Variants in PRLR observed in about 807,000 individuals in gnomAD.
PRLR encodes prolactin receptor, also known as hPRL receptor.
In PRLR, 13 loss-of-function variants were observed where a neutral mutation model predicts 40.2. That is an observed-to-expected ratio of 0.32 (90% CI 0.21 to 0.51). The LOEUF is 0.51. PRLR is among the 20% of genes least tolerant of loss of function. The probability of loss-of-function intolerance (pLI) is 0.97; values close to 1 mark genes in which losing one functional copy is unlikely to be tolerated. For missense variants in PRLR, 656 were observed against 747.3 expected (o/e 0.88, Z 1.42); for synonymous variants, 269 against 278.7 (o/e 0.97, Z 0.35).
chr5:35,078,989 C>A (rs1348740019), intron 5 of PRLR, among the ~76,000 whole-genome samples: 1 of 152,100 alleles, frequency 6.6e-6, no homozygotes. Flanking sequence ...GCAGAAAAGG[C>A]CTTTGACAAA....
At chr5:35,050,700 T>A (rs543303588) in intron 8 of PRLR, among the ~76,000 whole-genome samples, 5 of 152,358 alleles carry the variant, frequency 3.3e-5, no homozygotes, top group African/African-American at 1.2e-4. Flanking sequence ...GTAACTGAAC[T>A]TTGCTCTGCC....
At chr5:35,147,892 C>T (rs538288026) in intron 1 of PRLR, among the ~76,000 whole-genome samples, 11 of 152,080 alleles carry the variant, frequency 7.2e-5, no homozygotes, top group African/African-American at 2.2e-4. Flanking sequence ...ACAGGGTAGA[C>T]GTGTCGGTGG....
At chr5:35,079,368 A>C (rs796280567) in intron 5 of PRLR, among the ~76,000 whole-genome samples, 4 of 152,346 alleles carry the variant, frequency 2.6e-5, no homozygotes, top group African/African-American at 9.6e-5. Context: ...GTCTCTGGAT[A>C]CAAAATCAAT....
chr5:35,132,331 C>T (rs1773716487), intron 1 of PRLR, among the ~76,000 whole-genome samples: 1 of 152,160 alleles, frequency 6.6e-6, no homozygotes, highest in African/African-American at 2.4e-5. Context: ...CCTGACCCCT[C>T]TTTCTAGAAC....
chr5:35,202,461 T>TA (rs1290708766), intron 1 of PRLR, among the ~76,000 whole-genome samples: 1 of 152,170 alleles, frequency 6.6e-6, no homozygotes, highest in Non-Finnish European at 1.5e-5. Flanking sequence ...ATGTACAACT[T>TA]ACCCTCAGTC....
At chr5:35,230,098 C>T (rs1051437269) in intron 1 of PRLR, among the ~76,000 whole-genome samples, 170 bp downstream of exon 1, 15 of 152,272 alleles carry the variant, frequency 9.9e-5, no homozygotes, top group Admixed American at 2.6e-4. Context: ...GGCTTCCCCG[C>T]CGGCTGCCGA....
At chr5:35,209,286 G>C (rs893472343) in intron 1 of PRLR, among the ~76,000 whole-genome samples, 6 of 152,102 alleles carry the variant, frequency 3.9e-5, no homozygotes, top group African/African-American at 1.4e-4. Context: ...AATCTATTCT[G>C]TAATATGCTG....
rs755227416 is a variant in PRLR at position 35,065,222 on chromosome 5, G to T, written c.1736C>A (p.Ala579Asp). The T allele has an allele frequency of 6.2e-7, 1 of 1,614,010 alleles. No individual in the cohort carries two copies. Among genetic ancestry groups the T allele is most frequent in the South Asian group, 1.1e-5 (1 of 91,078 alleles). Residue 579 changes from alanine (A) to aspartate (D), a missense_variant, in exon 10 of 10, where the codon GCC becomes GAC. Physicochemically the swap from Ala to Asp is moderately radical, Grantham distance 126 (BLOSUM62 -2). Transcript: ENST00000618457. ...TTGATTCTGTTCAAGTGATGGTGGG[G>T]CCTCTTTGGCTGATTCTTCAAAGCA... Reference protein sequence around the residue: ...VACFEESAKEAPPSLEQNQAE... With the variant: ...VACFEESAKEDPPSLEQNQAE...
At chr5:35,077,237 A>G (rs1770169640) in intron 5 of PRLR, among the ~76,000 whole-genome samples, 1 of 152,234 alleles carries the variant, frequency 6.6e-6, no homozygotes, top group Admixed American at 6.5e-5. Flanking sequence ...TCCAATTAAA[A>G]GACACAGACT....
At chr5:35,131,905 T>C (rs1002738397) in intron 1 of PRLR, among the ~76,000 whole-genome samples, 6 of 152,114 alleles carry the variant, frequency 3.9e-5, no homozygotes, top group Non-Finnish European at 7.4e-5. Flanking sequence ...CTCTGACCAC[T>C]AGAAAGAGTT....
intron 5 of PRLR, among the ~76,000 whole-genome samples, chr5:35,080,796 G>A (rs113068604): frequency 2.0e-5 from 3 of 152,184 alleles, no homozygotes; most frequent in African/African-American, 2.4e-5. Context: ...CAACCCAAAT[G>A]TCCATCAATG....
intron 1 of PRLR, among the ~76,000 whole-genome samples, chr5:35,180,526 T>C (rs1190285239): frequency 6.6e-6 from 1 of 152,188 alleles, no homozygotes; most frequent in Non-Finnish European, 1.5e-5. Context: ...GCCAGTATCA[T>C]GCTTCCTGTA....
chr5:35,068,347 G>T, intron 8 of PRLR, 62 bp from the exon 9 acceptor site: 1 of 1,467,360 alleles, frequency 6.8e-7, no homozygotes, highest in Non-Finnish European at 9.5e-7. Context: ...TTTTTGAAAG[G>T]TTAGTATAAT....
intron 6 of PRLR, among the ~76,000 whole-genome samples, chr5:35,072,313 T>C (rs1174568727): frequency 6.6e-6 from 1 of 152,162 alleles, no homozygotes; most frequent in African/African-American, 2.4e-5. Context: ...GGTCTAGATC[T>C]AAAATGTACT....
chr5:35,066,625 T>G (rs541157046), intron 9 of PRLR, among the ~76,000 whole-genome samples: 2 of 151,980 alleles, frequency 1.3e-5, no homozygotes, highest in East Asian at 3.9e-4. Flanking sequence ...TTTCTTCTAC[T>G]CTACTTCCTC....
chr5:35,065,504 T>C lies in PRLR; in HGVS notation c.1454A>G (p.Glu485Gly). Residue 485 changes from glutamate to glycine, a missense_variant, in exon 10 of 10, where the codon GAG (glutamate) becomes GGG (glycine). This residue lies in a region of PRLR where 469 missense variants were observed against 491.5 expected (regional missense o/e 0.95). Coordinates refer to ENST00000618457, the MANE Select transcript of PRLR (RefSeq NM_000949.7). Reference protein sequence around the residue: ...QQREVESFHSETDQDTPWLLP... With the variant: ...QQREVESFHSGTDQDTPWLLP... Reference sequence around the variant, plus strand: ...CAGCCAGGGCGTATCCTGGTCAGTCTCAGAATGGAAGCTTTCTACCTCCCT... The same window carrying C: ...CAGCCAGGGCGTATCCTGGTCAGTCCCAGAATGGAAGCTTTCTACCTCCCT... 2 of 1,614,134 alleles carry C rather than the reference T, an allele frequency of 1.2e-6. No individual in the cohort carries two copies. The highest frequency in any genetic ancestry group is 1.7e-6 in the Non-Finnish European group (2 of 1,180,032).
chr5:35,147,211 C>A (rs1209771393), intron 1 of PRLR, among the ~76,000 whole-genome samples: 2 of 152,146 alleles, frequency 1.3e-5, no homozygotes, highest in African/African-American at 2.4e-5. Flanking sequence ...ATAAATCCCA[C>A]TTTTGTGAGG....
intron 2 of PRLR, among the ~76,000 whole-genome samples, 166 bp from the exon 3 acceptor site, chr5:35,089,829 C>T (rs890820351): frequency 1.3e-5 from 2 of 152,082 alleles, no homozygotes; most frequent in South Asian, 4.1e-4. Flanking sequence ...GATGGCTTGG[C>T]ACAGAAACAT....
chr5:35,081,772 TACACAAACACACACAC>T (rs1350438048), intron 5 of PRLR: 3 of 132,878 alleles, frequency 2.3e-5, no homozygotes, highest in African/African-American at 7.3e-5. Context: ...GGTAAGGCAA[TACACAAACACACACAC>T]ACACACACAC....
Sources: allele counts gnomAD v4.1 joint callset (sites outside exome capture counted in the v4.1 genomes callset), GRCh38; gene constraint gnomAD v4.1.1; regional missense constraint gnomAD v4.1.1; transcripts MANE v1.5; gene names NCBI Gene and HGNC (gene_info 2026-07-23, HGNC 2026-07-21).